Variants in CHRM5 observed in about 807,000 individuals in gnomAD.
CHRM5 encodes cholinergic receptor muscarinic 5.
CHRM5 carries 18 observed loss-of-function variants against 39.0 expected under a neutral mutation model. The ratio of observed to expected loss-of-function variants is 0.46; its 90% confidence interval spans 0.32 to 0.68. The LOEUF (loss-of-function observed/expected upper bound fraction) is 0.68, where lower values mean the gene tolerates loss of function less well. Ranked by LOEUF, CHRM5 falls within the 30% of genes least tolerant of loss-of-function variation. The pLI, the probability that CHRM5 is intolerant of heterozygous loss-of-function variation, is 0.04. For missense variants in CHRM5, 515 were observed against 651.1 expected, an observed-to-expected ratio of 0.79 and a Z score of 2.28; for synonymous variants, 241 against 246.3, an observed-to-expected ratio of 0.98 and a Z score of 0.20.
At chr15:33,987,549 C>T (rs971915485) in intron 1 of CHRM5, among the ~76,000 whole-genome samples, 3 of 152,196 alleles carry the variant, frequency 2.0e-5, no homozygotes, top group Non-Finnish European at 4.4e-5. Context: ...CTTTGCCCAT[C>T]CCCTTCTTCT....
At chr15:33,991,291 T>C (rs1032437362) in intron 1 of CHRM5, 2 of 152,172 alleles carry the variant, frequency 1.3e-5, no homozygotes, top group Admixed American at 6.5e-5. Flanking sequence ...GAGGATTATT[T>C]TGCAAAACAA....
intron 1 of CHRM5, chr15:34,007,037 T>C (rs1897385510): frequency 1.0e-6 from 1 of 981,846 alleles, no homozygotes; most frequent in African/African-American, 1.7e-5. Flanking sequence ...TTCACTGTAA[T>C]AGTTCATACC....
chr15:33,987,409 G>T (rs1896523794), intron 1 of CHRM5, among the ~76,000 whole-genome samples: 1 of 152,198 alleles, frequency 6.6e-6, no homozygotes, highest in African/African-American at 2.4e-5. Context: ...AAAAACAATG[G>T]ACAGCCACCA....
At chr15:34,003,446 A>G (rs1897216962) in intron 1 of CHRM5, among the ~76,000 whole-genome samples, 1 of 152,246 alleles carries the variant, frequency 6.6e-6, no homozygotes, top group Non-Finnish European at 1.5e-5. Context: ...ACATTTGTGT[A>G]GCTGATCTCT....
intron 1 of CHRM5, among the ~76,000 whole-genome samples, chr15:34,004,855 A>G (rs981335028): frequency 6.6e-6 from 1 of 152,288 alleles, no homozygotes. Context: ...AGATGCATGT[A>G]GAATCTAAAG....
chr15:33,990,363 C>G (rs1171710033), intron 1 of CHRM5, among the ~76,000 whole-genome samples: 1 of 151,744 alleles, frequency 6.6e-6, no homozygotes, highest in African/African-American at 2.4e-5. Context: ...GCATGGGCGA[C>G]AGAGTGAGAC....
intron 1 of CHRM5, among the ~76,000 whole-genome samples, chr15:33,987,064 C>A (rs1472239242): frequency 6.6e-6 from 1 of 152,216 alleles, no homozygotes; most frequent in Non-Finnish European, 1.5e-5. Flanking sequence ...CCTCACCACT[C>A]AATGCCTCTA....
intron 1 of CHRM5, among the ~76,000 whole-genome samples, chr15:34,029,932 G>C (rs1015712344): frequency 6.6e-6 from 1 of 152,150 alleles, no homozygotes; most frequent in African/African-American, 2.4e-5. Flanking sequence ...CAGCTCACTA[G>C]AATGTGAACT....
chr15:34,044,731 T>C (rs184052134), intron 1 of CHRM5, among the ~76,000 whole-genome samples: 19 of 152,272 alleles, frequency 1.2e-4, no homozygotes, highest in African/African-American at 3.6e-4. Flanking sequence ...GTGAAGCAGT[T>C]TCACCTATTT....
chr15:34,019,709 C>T (rs1473700473), intron 1 of CHRM5, among the ~76,000 whole-genome samples: 1 of 152,190 alleles, frequency 6.6e-6, no homozygotes, highest in African/African-American at 2.4e-5. Context: ...GTATCCAGTA[C>T]CGTAACATGC....
chr15:34,014,327 G>A lies in CHRM5; in HGVS notation c.-407-32213G>A, dbSNP rs148689341. On this transcript the variant is annotated intron_variant, in intron 1 of 2. Transcript: ENST00000383263. ...TACAGTGAGCCAAGATTGTGCCATT[G>A]CACTCCAGCTTAAGCAACAAGAGCG... Among the ~76,000 whole-genome samples, 85 of 129,474 alleles carry A rather than the reference G, an allele frequency of 6.6e-4. No homozygotes were observed. In the East Asian group the frequency reaches 0.015, roughly 22 times the overall value. 84.9% of individuals were successfully genotyped at this position (129,474 alleles called of 152,430 possible).
chr15:34,018,871 T>TA (rs33970144), intron 1 of CHRM5, among the ~76,000 whole-genome samples: 95,128 of 147,034 alleles, frequency 0.65, 34,816 homozygotes, highest in Non-Finnish European at 0.82. Context: ...TCAGTGCATT[T>TA]ATAATCCTTT....
At chr15:33,978,202 G>A (rs1895971849) in intron 1 of CHRM5, among the ~76,000 whole-genome samples, 1 of 152,132 alleles carries the variant, frequency 6.6e-6, no homozygotes, top group African/African-American at 2.4e-5. Flanking sequence ...ATGCAGACTG[G>A]CCGTTCTGAA....
intron 2 of CHRM5, among the ~76,000 whole-genome samples, chr15:34,047,368 T>C (rs2684948): frequency 0.99 from 151,116 of 152,314 alleles, 74,975 homozygotes; most frequent in Middle Eastern, 1. Flanking sequence ...TGAGCCACCG[T>C]GCCCGGCGGA....
intron 2 of CHRM5, among the ~76,000 whole-genome samples, chr15:34,047,097 A>G (rs1339843506): frequency 7.1e-6 from 1 of 141,054 alleles, no homozygotes; most frequent in South Asian, 2.2e-4. Flanking sequence ...CTTTTTTTGG[A>G]GACGGAGTCT....
chr15:34,030,896 G>T (rs1478705334), intron 1 of CHRM5, among the ~76,000 whole-genome samples: 3 of 152,034 alleles, frequency 2.0e-5, no homozygotes, highest in Non-Finnish European at 4.4e-5. Context: ...GGGATTACAG[G>T]TATGAGCCAC....
chr15:34,054,525 A>G (rs868210867), intron 2 of CHRM5, among the ~76,000 whole-genome samples: 1 of 152,314 alleles, frequency 6.6e-6, no homozygotes, highest in South Asian at 2.1e-4. Flanking sequence ...TGTCCTTTGC[A>G]GGGACATAGA....
intron 1 of CHRM5, among the ~76,000 whole-genome samples, chr15:33,995,048 G>A (rs891466845): frequency 1.3e-5 from 2 of 152,168 alleles, no homozygotes; most frequent in Admixed American, 6.5e-5. Context: ...GATCACTTGA[G>A]ACCAGGAATT....
At chr15:34,057,575 T>G (rs1359441465) in intron 2 of CHRM5, among the ~76,000 whole-genome samples, 2 of 152,154 alleles carry the variant, frequency 1.3e-5, no homozygotes, top group East Asian at 3.9e-4. Flanking sequence ...GTAAGGACTG[T>G]TTTTATCCCC....
Sources: gnomAD v4.1 joint callset for allele counts (sites outside exome capture counted in the v4.1 genomes callset) on GRCh38, gnomAD v4.1.1 for gene constraint, MANE v1.5 for transcripts, NCBI Gene and HGNC (gene_info 2026-07-23, HGNC 2026-07-21) for gene names.